The following ANKRD30B variants were observed in gnomAD, a reference collection of about 807,000 sequenced individuals.
The protein encoded by ANKRD30B is ankyrin repeat domain 30B.
In ANKRD30B, 144 loss-of-function variants were observed where a neutral mutation model predicts 202.2. The ratio of observed to expected loss-of-function variants is 0.71; its 90% CI spans 0.62 to 0.82. ANKRD30B has a LOEUF of 0.82. ANKRD30B is among the 40% of genes least tolerant of loss of function. The pLI is 0.00. For missense variants in ANKRD30B, 1,487 were observed against 1,669.1 expected (o/e 0.89, Z 1.90); for synonymous variants, 508 against 561.3 (o/e 0.91, Z 1.34).
rs574294167 is a variant in ANKRD30B, at chr18:14,808,422, C to T, written c.2285-129C>T. 5.0e-5 allele frequency: 51 copies of T among 1,017,684 alleles called. 3 individuals are homozygous for T. The African/African-American group carries it at 7.7e-4, about 15-fold the overall frequency. 63.0% of individuals were successfully genotyped at this position (1,017,684 alleles called of 1,614,324 possible). A position where few individuals can be genotyped will look rare whatever the true frequency, so the allele number is the denominator to read the frequency against. On this transcript the variant is annotated intron_variant, in intron 24 of 43. Coordinates refer to ENST00000690538, the MANE Select transcript of ANKRD30B (RefSeq NM_001367607.2). ...TAACAAATACAAAAACCCAAAAGACCCCAAAACCTAGTGTAATCCCTTTTC... is the reference window on the plus strand; with the variant it reads ...TAACAAATACAAAAACCCAAAAGACTCCAAAACCTAGTGTAATCCCTTTTC...
intron 30 of ANKRD30B, among the ~76,000 whole-genome samples, chr18:14,821,655 G>A (rs566532930): frequency 6.6e-6 from 1 of 152,022 alleles, no homozygotes; most frequent in Non-Finnish European, 1.5e-5. Context: ...ACAGGGTTTC[G>A]CTATTTTGGC....
At chr18:14,889,457 G>A in the ANKRD30B span, among the ~76,000 whole-genome samples, 2 of 152,108 alleles carry the variant, frequency 1.3e-5, no homozygotes, top group South Asian at 2.1e-4. Flanking sequence ...TGAGCTCTGG[G>A]AATACAAAGG....
chr18:14,799,377 G>A, intron 22 of ANKRD30B, 82 bp downstream of exon 22: 1 of 1,278,808 alleles, frequency 7.8e-7, no homozygotes. Context: ...TATTCCCAAT[G>A]TTGTTTTCTT....
rs182337504 is a variant in ANKRD30B, at chr18:14,755,163, G to A, written c.617+158G>A. Among the ~76,000 whole-genome samples the A allele has an allele frequency of 2.4e-3, 361 of 152,038 alleles. 1 individual carries two copies. The highest frequency in any genetic ancestry group is 7.8e-3 in the African/African-American group (324 of 41,494). ...TTATCAGAAGAAAAGCAATTATTTG[G>A]ACTGGTCAACATAAAAAACAGTGTA... is the stretch of plus-strand genomic sequence containing the variant. On this transcript the variant is annotated intron_variant, in intron 4 of 43. Coordinates refer to ENST00000690538, the MANE Select transcript of ANKRD30B (RefSeq NM_001367607.2).
At chr18:14,878,457 G>A in the ANKRD30B span, among the ~76,000 whole-genome samples, 4 of 151,850 alleles carry the variant, frequency 2.6e-5, no homozygotes, top group Admixed American at 1.3e-4. Context: ...CTTCTTTCTC[G>A]ATTCTAAGGT....
the ANKRD30B span, chr18:14,909,868 G>A: frequency 6.6e-6 from 1 of 152,042 alleles, no homozygotes; most frequent in Non-Finnish European, 1.5e-5. Context: ...TCTACTTTGT[G>A]GTTTCCAGCA....
the ANKRD30B span, among the ~76,000 whole-genome samples, chr18:14,939,625 C>T: frequency 2.8e-3 from 430 of 152,278 alleles, 1 homozygote; most frequent in African/African-American, 9.3e-3. Context: ...CAATGGCCCA[C>T]GGGACATGTA....
chr18:14,858,988 G>C (rs1972141391), downstream of ANKRD30B, among the ~76,000 whole-genome samples: 1 of 93,952 alleles, frequency 1.1e-5, no homozygotes, highest in Non-Finnish European at 2.2e-5. Flanking sequence ...CCCAGATGAT[G>C]GGCAGCTGGG....
chr18:14,864,082 C>T, the ANKRD30B span, among the ~76,000 whole-genome samples: 5 of 152,318 alleles, frequency 3.3e-5, no homozygotes, highest in South Asian at 6.2e-4. Flanking sequence ...GTGGCTCAAA[C>T]CTGTAATCCC....
intron 30 of ANKRD30B, chr18:14,816,395 C>T (rs1282185328): frequency 6.6e-6 from 1 of 151,984 alleles, no homozygotes; most frequent in African/African-American, 2.4e-5. Flanking sequence ...CCTGTAATCC[C>T]AGCCCTTTGG....
chr18:14,788,311 C>A (rs2143903201), intron 15 of ANKRD30B, among the ~76,000 whole-genome samples: 1 of 152,106 alleles, frequency 6.6e-6, no homozygotes, highest in Non-Finnish European at 1.5e-5. Flanking sequence ...ATTTGTTTTT[C>A]CTGCTCAGTA....
chr18:14,926,945 GTGTA>G, the ANKRD30B span, among the ~76,000 whole-genome samples: 6 of 151,788 alleles, frequency 4.0e-5, no homozygotes, highest in African/African-American at 1.5e-4. Flanking sequence ...GTGTGTGTGT[GTGTA>G]TGTGTGTGTA....
chr18:14,765,402 A>G (rs1247507690), intron 7 of ANKRD30B, among the ~76,000 whole-genome samples: 1 of 151,756 alleles, frequency 6.6e-6, no homozygotes, highest in African/African-American at 2.4e-5. Flanking sequence ...GGCGGAGGCT[A>G]CAGTGAGCTG....
Position 14,826,477 on chromosome 18 carries a change from G to A in ANKRD30B, c.2744-1801G>A, listed in dbSNP as rs146216392. On this transcript the variant is annotated intron_variant, in intron 32 of 43. Coordinates refer to ENST00000690538, the MANE Select transcript of ANKRD30B (RefSeq NM_001367607.2). ...TGGAGTCCAAGAGGAAATCTCCCAA[G>A]ATCCTACCTAACTTTTTGCAACTAA... Among the ~76,000 whole-genome samples, 1,167 of 152,222 alleles carry A rather than the reference G, an allele frequency of 7.7e-3. 10 individuals are homozygous for A. The highest frequency in any genetic ancestry group is 0.027 in the African/African-American group (1,105 of 41,524).
the ANKRD30B span, among the ~76,000 whole-genome samples, chr18:14,916,962 A>G: frequency 1.3e-5 from 2 of 152,216 alleles, no homozygotes; most frequent in Non-Finnish European, 1.5e-5. Flanking sequence ...AATGTCGGTC[A>G]TCAGTCTCTA....
At chr18:14,924,948 G>T in the ANKRD30B span, among the ~76,000 whole-genome samples, 2 of 152,208 alleles carry the variant, frequency 1.3e-5, no homozygotes, top group Non-Finnish European at 2.9e-5. Context: ...CAACAACCTT[G>T]CTGTGCCTTG....
intron 9 of ANKRD30B, among the ~76,000 whole-genome samples, 178 bp from the exon 10 acceptor site, chr18:14,777,807 G>A (rs528673196): frequency 6.6e-6 from 1 of 152,012 alleles, no homozygotes; most frequent in East Asian, 2.0e-4. Flanking sequence ...GCCAGGTGTG[G>A]TGGCTCCTGC....
intron 15 of ANKRD30B, among the ~76,000 whole-genome samples, chr18:14,787,317 G>A (rs1968154063): frequency 6.6e-6 from 1 of 152,152 alleles, no homozygotes; most frequent in Admixed American, 6.5e-5. Context: ...TAAGAAGCCG[G>A]TGTGGTATAG....
the ANKRD30B span, among the ~76,000 whole-genome samples, chr18:14,898,927 A>C: frequency 6.6e-6 from 1 of 152,170 alleles, no homozygotes; most frequent in Non-Finnish European, 1.5e-5. Flanking sequence ...CAGACTCTTT[A>C]CCAGCTACAT....
Sources: allele counts gnomAD v4.1 joint callset (sites outside exome capture counted in the v4.1 genomes callset), GRCh38; gene constraint gnomAD v4.1.1; transcripts MANE v1.5; gene names NCBI Gene and HGNC (gene_info 2026-07-23, HGNC 2026-07-21).